CNTN4: variants seen among roughly 807,000 people sequenced by gnomAD.
CNTN4 encodes contactin-4.
CNTN4 carries 77 observed loss-of-function variants against 122.5 expected under a neutral mutation model. The ratio of observed to expected loss-of-function variants is 0.63; its 90% CI spans 0.52 to 0.76. The LOEUF is 0.76. CNTN4 is among the 30% of genes least tolerant of loss of function. CNTN4 has a pLI of 0.00. For synonymous variants in CNTN4, 512 were observed against 447.0 expected, an observed-to-expected ratio of 1.15 and a Z score of -1.83; for missense variants, 1,256 against 1,259.1, an observed-to-expected ratio of 1.00 and a Z score of 0.04.
intron 4 of CNTN4, among the ~76,000 whole-genome samples, chr3:2,641,343 C>T (rs936791081): frequency 2.6e-5 from 4 of 152,048 alleles, no homozygotes; most frequent in Non-Finnish European, 5.9e-5. Flanking sequence ...CCAGGGAGTA[C>T]ATATTATTCA....
At chr3:2,501,075 T>A (rs2076581506) in intron 3 of CNTN4, among the ~76,000 whole-genome samples, 1 of 152,212 alleles carries the variant, frequency 6.6e-6, no homozygotes. Context: ...ACTTGAAACT[T>A]CTGTTTGCTC....
intron 3 of CNTN4, among the ~76,000 whole-genome samples, chr3:2,469,897 G>A (rs1468742813): frequency 6.6e-6 from 1 of 152,152 alleles, no homozygotes; most frequent in Non-Finnish European, 1.5e-5. Context: ...AATTTTGCAG[G>A]AGGAGGCACA....
At position 2,270,651 on chromosome 3, in the gene CNTN4, A is replaced by G. The variant is rs914772037; in HGVS notation, c.-144-68527A>G. On this transcript the variant is annotated intron_variant, in intron 2 of 24. Transcript: ENST00000418658. ...AGACATGATGACAAGGAGGGGGGAA[A>G]ATATTGTTCATTGTTGTCATTTTCT... 2.9e-5 allele frequency among the ~76,000 whole-genome samples: 4 copies of G among 140,138 alleles called. No homozygotes were observed. In the Admixed American group the frequency reaches 2.9e-4, roughly 10 times the overall value. The allele number at this position is 140,138 out of a possible 152,430, so 91.9% of individuals were successfully genotyped here.
rs11921449 is a variant in CNTN4, at chr3:3,021,810, C to T, written c.1487-4292C>T. On this transcript the variant is annotated intron_variant, in intron 14 of 24. Transcript: ENST00000418658. ...AATAAGAACTATCAGCCAGGTATGG[C>T]GGCTCACGCCTGTAATCCCAGCACT... 4.4e-3 allele frequency among the ~76,000 whole-genome samples: 668 copies of T among 152,216 alleles called. 5 individuals are homozygous for T. Among genetic ancestry groups the T allele is most frequent in the African/African-American group, 0.014 (586 of 41,544 alleles).
chr3:2,609,445 G>A (rs2081391070), intron 4 of CNTN4, among the ~76,000 whole-genome samples: 1 of 152,158 alleles, frequency 6.6e-6, no homozygotes, highest in African/African-American at 2.4e-5. Context: ...ATAAATTCAT[G>A]TTGTTTATAA....
intron 11 of CNTN4, 143 bp downstream of exon 11, chr3:2,900,964 A>G: frequency 9.5e-7 from 1 of 1,056,620 alleles, no homozygotes; most frequent in South Asian, 1.3e-5. Flanking sequence ...GTGAGAGTGA[A>G]TGCAATTGAT....
chr3:2,778,710 A>G (rs1205008897), intron 6 of CNTN4, among the ~76,000 whole-genome samples: 2 of 152,220 alleles, frequency 1.3e-5, no homozygotes, highest in Admixed American at 1.3e-4. Flanking sequence ...TGCATGAAAT[A>G]ACCAATTCAG....
At chr3:2,534,373 C>T (rs1381447754) in intron 3 of CNTN4, among the ~76,000 whole-genome samples, 2 of 152,086 alleles carry the variant, frequency 1.3e-5, no homozygotes, top group South Asian at 2.1e-4. Flanking sequence ...ATCCTTTCCC[C>T]ATTTCTTGTT....
rs998380853 is a variant in CNTN4 at position 2,370,298 on chromosome 3, A to T, written c.-89+31065A>T. 2.0e-5 allele frequency among the ~76,000 whole-genome samples: 3 copies of T among 152,332 alleles called. No homozygotes were observed. In the South Asian group the frequency reaches 6.2e-4, roughly 32 times the overall value. On this transcript the variant is annotated intron_variant, in intron 3 of 24. Coordinates refer to ENST00000418658, the MANE Select transcript of CNTN4 (RefSeq NM_175607.3). ...CTGTAGTATGCCTGAATCCATTAAA[A>T]TGAAAAAAACCTCAGTAATGATATT... is the stretch of plus-strand genomic sequence containing the variant.
chr3:2,181,510 TTGTCCTA>T (rs1268627193), intron 2 of CNTN4, among the ~76,000 whole-genome samples: 1 of 152,130 alleles, frequency 6.6e-6, no homozygotes, highest in Non-Finnish European at 1.5e-5. Context: ...GTGAAATCAA[TTGTCCTA>T]TGTCACATTG....
chr3:2,925,801 A>C (rs1050014262), intron 13 of CNTN4, 22 bp downstream of exon 13: 9 of 1,596,036 alleles, frequency 5.6e-6, no homozygotes, highest in Admixed American at 1.7e-5. Flanking sequence ...AATTATTTTC[A>C]ATATTTGGTT....
intron 3 of CNTN4, among the ~76,000 whole-genome samples, chr3:2,551,719 G>T (rs2078514788): frequency 6.6e-6 from 1 of 152,102 alleles, no homozygotes; most frequent in Non-Finnish European, 1.5e-5. Context: ...GTGATGTACA[G>T]AAACATGTTT....
At chr3:2,739,791 T>C (rs902752577) in intron 5 of CNTN4, among the ~76,000 whole-genome samples, 3 of 152,298 alleles carry the variant, frequency 2.0e-5, no homozygotes, top group South Asian at 2.1e-4. Context: ...ATTTACTGAA[T>C]TGGACAAAGA....
intron 2 of CNTN4, among the ~76,000 whole-genome samples, chr3:2,309,747 A>C (rs2042847012): frequency 6.6e-6 from 1 of 152,136 alleles, no homozygotes; most frequent in Non-Finnish European, 1.5e-5. Context: ...AGAGTTTTTA[A>C]AAAATACATT....
intron 4 of CNTN4, among the ~76,000 whole-genome samples, chr3:2,609,228 G>A (rs890816123): frequency 2.6e-5 from 4 of 152,202 alleles, no homozygotes; most frequent in Admixed American, 1.3e-4. Context: ...AAGTTATTAA[G>A]TCACGAAGGA....
At chr3:2,911,988 C>A (rs183597557) in intron 12 of CNTN4, among the ~76,000 whole-genome samples, 1 of 152,040 alleles carries the variant, frequency 6.6e-6, no homozygotes, top group East Asian at 1.9e-4. Context: ...AATTTGCAGA[C>A]AATAAAGAGA....
chr3:2,552,841 A>G (rs1305962296), intron 3 of CNTN4, among the ~76,000 whole-genome samples: 2 of 152,174 alleles, frequency 1.3e-5, no homozygotes, highest in Non-Finnish European at 2.9e-5. Flanking sequence ...TGTGTTCAGA[A>G]GAGTCAGTGA....
chr3:2,444,324 G>C (rs2048543784), intron 3 of CNTN4, among the ~76,000 whole-genome samples: 1 of 152,072 alleles, frequency 6.6e-6, no homozygotes, highest in Non-Finnish European at 1.5e-5. Flanking sequence ...AGGAGAAGAG[G>C]CAGTGGCGAC....
At chr3:2,437,226 A>G (rs564373736) in intron 3 of CNTN4, among the ~76,000 whole-genome samples, 1 of 152,158 alleles carries the variant, frequency 6.6e-6, no homozygotes, top group African/African-American at 2.4e-5. Flanking sequence ...GAAGACTCTA[A>G]TAATTAAGTC....
Sources: allele counts gnomAD v4.1 joint callset (sites outside exome capture counted in the v4.1 genomes callset), GRCh38; gene constraint gnomAD v4.1.1; transcripts MANE v1.5; gene names NCBI Gene and HGNC (gene_info 2026-07-23, HGNC 2026-07-21).